RBM6: variants seen among roughly 807,000 people sequenced by gnomAD.
The protein encoded by RBM6 is RNA binding motif protein 6.
Under a neutral mutation model 140.4 loss-of-function variants are expected in RBM6, and 23 were observed. That is an observed-to-expected ratio of 0.16 (90% CI 0.12 to 0.23). The LOEUF is 0.23. RBM6 is among the 10% of genes least tolerant of loss of function. The pLI, the probability that RBM6 is intolerant of heterozygous loss-of-function variation, is 1.00. For missense variants in RBM6, 1,139 were observed against 1,386.7 expected (o/e 0.82, Z 2.84); for synonymous variants, 439 against 475.6 (o/e 0.92, Z 1.00).
intron 1 of RBM6, among the ~76,000 whole-genome samples, chr3:49,943,747 C>T (rs1388560551): frequency 6.6e-5 from 10 of 152,182 alleles, no homozygotes; most frequent in Non-Finnish European, 1.2e-4. Flanking sequence ...AGCCACTGCA[C>T]CCAGTTGATA....
intron 19 of RBM6, among the ~76,000 whole-genome samples, chr3:50,073,711 T>C (rs1328620174): frequency 6.6e-6 from 1 of 152,208 alleles, no homozygotes; most frequent in African/African-American, 2.4e-5. Context: ...TCTACTCTTA[T>C]AACTTGTCTT....
intron 6 of RBM6, among the ~76,000 whole-genome samples, chr3:50,032,482 C>CA (rs10648927): frequency 0.16 from 8,992 of 57,854 alleles, 467 homozygotes; most frequent in Non-Finnish European, 0.19. Flanking sequence ...GACTCCATCT[C>CA]AAAAAAAAAA....
intron 5 of RBM6, among the ~76,000 whole-genome samples, chr3:49,988,820 G>T (rs999361427): frequency 6.6e-6 from 1 of 151,744 alleles, no homozygotes; most frequent in Non-Finnish European, 1.5e-5. Context: ...AAATAAGCTG[G>T]GTGTGGTGGC....
At chr3:49,965,538 C>T (rs569536808) in intron 2 of RBM6, among the ~76,000 whole-genome samples, 13 of 152,236 alleles carry the variant, frequency 8.5e-5, no homozygotes, top group Admixed American at 6.5e-4. Context: ...GGCGTGGTAG[C>T]GGGCGCCTGT....
At chr3:49,983,800 A>G (rs2085417554) in intron 5 of RBM6, among the ~76,000 whole-genome samples, 1 of 152,072 alleles carries the variant, frequency 6.6e-6, no homozygotes, top group Non-Finnish European at 1.5e-5. Flanking sequence ...AAAAAATCAA[A>G]ATGTTTAGGA....
At chr3:49,991,715 G>A (rs1351744090) in intron 5 of RBM6, among the ~76,000 whole-genome samples, 2 of 152,180 alleles carry the variant, frequency 1.3e-5, no homozygotes, top group African/African-American at 4.8e-5. Flanking sequence ...TGGGGTTGCC[G>A]TTTAACCCAT....
At chr3:49,952,688 G>T (rs2083793655) in intron 1 of RBM6, among the ~76,000 whole-genome samples, 1 of 151,740 alleles carries the variant, frequency 6.6e-6, no homozygotes, top group Non-Finnish European at 1.5e-5. Context: ...AGTAGAGACA[G>T]GGTTTCTCCA....
chr3:50,074,987 A>AG (rs2090414484), intron 19 of RBM6, among the ~76,000 whole-genome samples: 1 of 145,270 alleles, frequency 6.9e-6, no homozygotes, highest in Admixed American at 6.9e-5. Context: ...GTCTCTACTG[A>AG]AAAAAAAAAA....
rs373537065 is a variant in RBM6, at chr3:49,968,430, G to A, written c.1005G>A (p.Glu335=). ...PAFGIQKGEF[E]HSETREGETQ... ...TTGGCATTCAGAAGGGAGAATTTGA[G>A]CATTCAGAAACAAGAGAAGGAGAAA... Residue 335 remains glutamate (E), a synonymous_variant, in exon 3 of 21, where the codon GAG becomes GAA. Coordinates refer to ENST00000266022, the MANE Select transcript of RBM6 (RefSeq NM_005777.3). The A allele has an allele frequency of 6.5e-4, 1,049 of 1,614,160 alleles. 25 individuals carry two copies. In the South Asian group the frequency reaches 0.011, roughly 17 times the overall value.
At chr3:49,994,669 G>GGTGTGTGTGTGTGTGT (rs59949998) in intron 5 of RBM6, among the ~76,000 whole-genome samples, 11,606 of 148,128 alleles carry the variant, frequency 0.078, 544 homozygotes, top group African/African-American at 0.13. Context: ...AAGGCTGTGG[G>GGTGTGTGTGTGTGTGT]GTGTGTGTGT....
At chr3:49,998,351 C>A (rs2086179359) in intron 5 of RBM6, among the ~76,000 whole-genome samples, 1 of 152,052 alleles carries the variant, frequency 6.6e-6, no homozygotes, top group African/African-American at 2.4e-5. Flanking sequence ...TTTTTCTTTG[C>A]CTGAGTTTTG....
chr3:50,010,536 A>G (rs1324559629), intron 6 of RBM6, among the ~76,000 whole-genome samples: 1 of 152,118 alleles, frequency 6.6e-6, no homozygotes, highest in African/African-American at 2.4e-5. Context: ...AATTGTATAT[A>G]CTTTAAAACA....
intron 6 of RBM6, among the ~76,000 whole-genome samples, chr3:50,035,841 A>G (rs1254296485): frequency 6.7e-6 from 1 of 150,346 alleles, no homozygotes; most frequent in African/African-American, 2.5e-5. Flanking sequence ...GCTCACTGCA[A>G]CCTCCCCTCC....
chr3:50,073,846 C>CTT lies in RBM6; in HGVS notation c.3117-1344_3117-1343dup, dbSNP rs35212132. 1.2e-3 allele frequency among the ~76,000 whole-genome samples: 182 copies of CTT among 147,176 alleles called. 2 individuals are homozygous for CTT. In the East Asian group the frequency reaches 0.023, roughly 19 times the overall value. ...TTTTTACAGTCTGACCCCATGCAGC[C>CTT]TTTTTTTTTTTTCCTTTTGTTTTGA... On this transcript the variant is annotated intron_variant, in intron 19 of 20. Coordinates refer to ENST00000266022, the MANE Select transcript of RBM6 (RefSeq NM_005777.3).
intron 6 of RBM6, among the ~76,000 whole-genome samples, chr3:50,013,801 TTAA>T (rs2108774604): frequency 6.6e-6 from 1 of 152,300 alleles, no homozygotes; most frequent in African/African-American, 2.4e-5. Flanking sequence ...CTGAGTGGCC[TTAA>T]TAATGTTATT....
intron 10 of RBM6, chr3:50,059,402 A>G (rs1575840475): frequency 6.7e-6 from 2 of 300,640 alleles, no homozygotes; most frequent in Non-Finnish European, 1.2e-5. Flanking sequence ...AAAGAAGAGG[A>G]TTTGAATTTC....
chr3:50,015,499 C>T (rs749094968), intron 6 of RBM6, among the ~76,000 whole-genome samples: 3 of 150,748 alleles, frequency 2.0e-5, no homozygotes, highest in African/African-American at 2.4e-5. Flanking sequence ...GGCGCGATCT[C>T]GGATCACTGC....
At chr3:49,993,258 A>C (rs1447465956) in intron 5 of RBM6, among the ~76,000 whole-genome samples, 2 of 152,214 alleles carry the variant, frequency 1.3e-5, no homozygotes, top group Non-Finnish European at 2.9e-5. Context: ...CCTGCGATTA[A>C]TTTTGGACTT....
chr3:49,950,868 A>G (rs1267846164), intron 1 of RBM6, among the ~76,000 whole-genome samples: 1 of 152,180 alleles, frequency 6.6e-6, no homozygotes, highest in Non-Finnish European at 1.5e-5. Flanking sequence ...AGAAAAAGAA[A>G]AACAGAGTCT....
Sources: gnomAD v4.1 joint callset for allele counts (sites outside exome capture counted in the v4.1 genomes callset) on GRCh38, gnomAD v4.1.1 for gene constraint, MANE v1.5 for transcripts, NCBI Gene and HGNC (gene_info 2026-07-23, HGNC 2026-07-21) for gene names.